Variants in TNIK observed in about 807,000 individuals in gnomAD.
The protein encoded by TNIK is TRAF2 and NCK interacting kinase, also known as TRAF2 and NCK-interacting protein kinase.
In TNIK, 49 loss-of-function variants were observed where a neutral mutation model predicts 191.3. The ratio of observed to expected loss-of-function variants is 0.26; its 90% CI spans 0.20 to 0.32. The LOEUF (loss-of-function observed/expected upper bound fraction) is 0.32, where lower values mean the gene tolerates loss of function less well. Ranked by LOEUF, TNIK falls within the 10% of genes least tolerant of loss-of-function variation. The pLI, the probability that TNIK is intolerant of heterozygous loss-of-function variation, is 1.00. For missense variants in TNIK, 1,155 were observed against 1,702.3 expected, an observed-to-expected ratio of 0.68 and a Z score of 5.66; for synonymous variants, 594 against 600.9, an observed-to-expected ratio of 0.99 and a Z score of 0.17.
intron 2 of TNIK, among the ~76,000 whole-genome samples, chr3:171,289,383 A>T (rs1005307073): frequency 2.0e-5 from 3 of 152,200 alleles, no homozygotes; most frequent in African/African-American, 7.2e-5. Flanking sequence ...AAAACTCTTC[A>T]TCTTTCCAGT....
intron 28 of TNIK, among the ~76,000 whole-genome samples, chr3:171,074,367 A>G (rs545599035): frequency 6.6e-6 from 1 of 152,194 alleles, no homozygotes; most frequent in African/African-American, 2.4e-5. Flanking sequence ...CTAAAAGGGG[A>G]GTGGCAGGTT....
At chr3:171,237,818 C>T (rs935402350) in intron 2 of TNIK, among the ~76,000 whole-genome samples, 1 of 152,032 alleles carries the variant, frequency 6.6e-6, no homozygotes, top group Non-Finnish European at 1.5e-5. Flanking sequence ...GCTACTCTGC[C>T]GAGGTGGGAG....
chr3:171,141,472 A>G (rs1240392100), intron 12 of TNIK, among the ~76,000 whole-genome samples: 1 of 152,172 alleles, frequency 6.6e-6, no homozygotes, highest in African/African-American at 2.4e-5. Context: ...AGGAAAGGAG[A>G]ACATTTTAGA....
chr3:171,253,300 T>G lies in TNIK; in HGVS notation c.124-25079A>C, dbSNP rs557435768. 6.9e-5 allele frequency among the ~76,000 whole-genome samples: 10 copies of G among 145,412 alleles called. No individual in the cohort carries two copies. The South Asian group carries it at 2.0e-3, about 29-fold the overall frequency. On this transcript the variant is annotated intron_variant, in intron 2 of 32. Transcript: ENST00000436636. ...CTGTCTCAAAAAAAAAAAAAAGAAA[T>G]AACTAAAGTATCTGGGAATATTAAA...
chr3:171,309,741 T>C (rs917708733), intron 2 of TNIK, among the ~76,000 whole-genome samples: 38 of 152,264 alleles, frequency 2.5e-4, no homozygotes, highest in African/African-American at 9.1e-4. Flanking sequence ...AGACCTTTCA[T>C]TCAAAATATT....
At chr3:171,324,202 C>A (rs907647881) in intron 2 of TNIK, among the ~76,000 whole-genome samples, 5 of 152,006 alleles carry the variant, frequency 3.3e-5, no homozygotes, top group Admixed American at 1.3e-4. Flanking sequence ...AATCCAGGAA[C>A]CTATGGAGCA....
intron 1 of TNIK, among the ~76,000 whole-genome samples, chr3:171,426,074 T>G (rs1010283600): frequency 6.6e-6 from 1 of 152,022 alleles, no homozygotes; most frequent in Admixed American, 6.6e-5. Context: ...CAAAGGAATA[T>G]AAATCATGCT....
At chr3:171,225,034 G>C (rs776317603) in intron 3 of TNIK, among the ~76,000 whole-genome samples, 1 of 152,144 alleles carries the variant, frequency 6.6e-6, no homozygotes, top group Non-Finnish European at 1.5e-5. Flanking sequence ...GGCTTTATCA[G>C]TTTTATAACA....
At chr3:171,250,889 G>A (rs1378045573) in intron 2 of TNIK, among the ~76,000 whole-genome samples, 1 of 152,182 alleles carries the variant, frequency 6.6e-6, no homozygotes, top group Non-Finnish European at 1.5e-5. Flanking sequence ...ATCCTCTGCT[G>A]CAACAATTAT....
At chr3:171,138,059 A>G (rs997234782) in intron 15 of TNIK, 132 bp downstream of exon 15, 1 of 782,894 alleles carries the variant, frequency 1.3e-6, no homozygotes, top group African/African-American at 1.8e-5. Context: ...GTTCTTGCAA[A>G]AGCAAAGCAT....
intron 27 of TNIK, among the ~76,000 whole-genome samples, chr3:171,081,708 T>TC (rs397940213): frequency 8.6e-5 from 13 of 151,310 alleles, no homozygotes; most frequent in Non-Finnish European, 1.5e-4. Context: ...TTTTTTTTTT[T>TC]CCTATATAAG....
chr3:171,162,480 G>T (rs1734129234), intron 10 of TNIK, among the ~76,000 whole-genome samples: 1 of 152,174 alleles, frequency 6.6e-6, no homozygotes, highest in South Asian at 2.1e-4. Flanking sequence ...TGTTTTGATT[G>T]ATCCACTAGG....
At chr3:171,402,370 T>A (rs13100463) in intron 1 of TNIK, among the ~76,000 whole-genome samples, 2 of 151,926 alleles carry the variant, frequency 1.3e-5, no homozygotes, top group Non-Finnish European at 2.9e-5. Context: ...TAAAGAGAAG[T>A]AAAGGGTAAG....
At chr3:171,227,407 G>A (rs1244204251) in intron 3 of TNIK, among the ~76,000 whole-genome samples, 5 of 152,076 alleles carry the variant, frequency 3.3e-5, no homozygotes, top group African/African-American at 9.7e-5. Flanking sequence ...AGCCATCCAA[G>A]CTCCTGTCTA....
intron 2 of TNIK, among the ~76,000 whole-genome samples, chr3:171,276,860 CAT>C (rs2109226173): frequency 6.6e-6 from 1 of 152,308 alleles, no homozygotes; most frequent in Admixed American, 6.5e-5. Context: ...CAAATTATAT[CAT>C]GTGTTCGGAG....
At chr3:171,154,274 AAAT>A (rs887803603) in intron 12 of TNIK, among the ~76,000 whole-genome samples, 7 of 150,940 alleles carry the variant, frequency 4.6e-5, no homozygotes, top group Non-Finnish European at 1.0e-4. Context: ...AAAAAAAAAA[AAAT>A]TCATGGGATG....
At chr3:171,266,654 G>A (rs2109161982) in intron 2 of TNIK, among the ~76,000 whole-genome samples, 1 of 152,282 alleles carries the variant, frequency 6.6e-6, no homozygotes, top group South Asian at 2.1e-4. Context: ...ATGCTTCCAT[G>A]GGAAAACCTG....
chr3:171,190,407 G>A (rs570001599), intron 6 of TNIK, among the ~76,000 whole-genome samples: 1 of 152,266 alleles, frequency 6.6e-6, no homozygotes, highest in African/African-American at 2.4e-5. Context: ...GTAAGATATA[G>A]GAGGCCATTT....
At chr3:171,165,701 G>T (rs2108750800) in intron 10 of TNIK, among the ~76,000 whole-genome samples, 1 of 152,312 alleles carries the variant, frequency 6.6e-6, no homozygotes, top group African/African-American at 2.4e-5. Flanking sequence ...AAGGAAGCAA[G>T]AACAAGCACA....
Sources: allele counts gnomAD v4.1 joint callset (sites outside exome capture counted in the v4.1 genomes callset), GRCh38; gene constraint gnomAD v4.1.1; transcripts MANE v1.5; gene names NCBI Gene and HGNC (gene_info 2026-07-23, HGNC 2026-07-21).